PCDHGB2: variants seen among roughly 807,000 people sequenced by gnomAD.
PCDHGB2 encodes the protein protocadherin gamma subfamily B, 2.
A neutral mutation model predicts 59.3 loss-of-function variants in PCDHGB2; 55 were observed. The ratio of observed to expected loss-of-function variants is 0.93; its 90% CI spans 0.75 to 1.16. The LOEUF (loss-of-function observed/expected upper bound fraction) is 1.16, where lower values mean the gene tolerates loss of function less well. PCDHGB2 is among the 50% of genes most tolerant of loss of function. PCDHGB2 has a pLI of 0.00. For missense variants in PCDHGB2, 1,228 were observed against 1,198.5 expected (o/e 1.02, Z -0.36); for synonymous variants, 516 against 512.0 (o/e 1.01, Z -0.11).
intron 1 of PCDHGB2, chr5:141,365,786 C>G (rs1446985601): frequency 1.2e-6 from 2 of 1,613,932 alleles, no homozygotes; most frequent in East Asian, 2.2e-5. Flanking sequence ...CGACAACGCT[C>G]GAGTCACCTA....
intron 1 of PCDHGB2, chr5:141,404,152 T>C (rs769503668): frequency 1.9e-5 from 31 of 1,612,848 alleles, no homozygotes; most frequent in Non-Finnish European, 2.0e-5. Flanking sequence ...CAGAAGAAGA[T>C]TATTACAGAT....
rs760017836 is a variant in PCDHGB2, at chr5:141,432,060, C to G, written c.2422-62747C>G. 1.2e-6 allele frequency: 2 copies of G among 1,614,200 alleles called. No homozygotes were observed. The highest frequency in any genetic ancestry group is 1.7e-6 in the Non-Finnish European group (2 of 1,180,048). ...GACCGGGGAACCCCGCCCCTATCCACGGAAACTCATATCTCGCTGAACGTG... is the reference window on the plus strand; with the variant it reads ...GACCGGGGAACCCCGCCCCTATCCAGGGAAACTCATATCTCGCTGAACGTG... On this transcript the variant is annotated intron_variant, in intron 1 of 3. Coordinates refer to ENST00000522605, the MANE Select transcript of PCDHGB2 (RefSeq NM_018923.3). The surrounding 1 kb of genome is among the most constrained non-coding windows in gnomAD (Gnocchi z 6.0).
chr5:141,383,795 G>A (rs376874310), intron 1 of PCDHGB2: 12 of 1,613,822 alleles, frequency 7.4e-6, no homozygotes, highest in East Asian at 4.5e-5. Flanking sequence ...TCGCTTACAG[G>A]AGAAATATCA....
At chr5:141,503,598 CAAAAAAA>C (rs765754054) in intron 2 of PCDHGB2, among the ~76,000 whole-genome samples, 8 of 65,766 alleles carry the variant, frequency 1.2e-4, no homozygotes, top group South Asian at 1.1e-3. Context: ...GACTCCAGCT[CAAAAAAA>C]AAAAAAAAAG....
chr5:141,489,458 G>A lies in PCDHGB2; in HGVS notation c.2422-5349G>A, dbSNP rs143138320. 3.5e-5 allele frequency: 56 copies of A among 1,614,042 alleles called. No homozygotes were observed. The highest frequency in any genetic ancestry group is 8.0e-5 in the African/African-American group (6 of 75,052). ...CAATTGGGCTCTGAGGAGAATGGGC[G>A]CTATTTTTCCCTGAGCTTGATGAGT... is the stretch of plus-strand genomic sequence containing the variant. On this transcript the variant is annotated intron_variant, in intron 1 of 3. Transcript: ENST00000522605. This position sits in a 1 kb window ranked among gnomAD's most constrained non-coding sequence, Gnocchi z 4.5.
chr5:141,398,932 C>T (rs554339110), intron 1 of PCDHGB2: 1 of 1,613,900 alleles, frequency 6.2e-7, no homozygotes, highest in Non-Finnish European at 8.5e-7. Context: ...AGCCACTGAC[C>T]AAGACGAGGG....
At chr5:141,502,724 C>T (rs1288841230) in intron 2 of PCDHGB2, among the ~76,000 whole-genome samples, 2 of 152,134 alleles carry the variant, frequency 1.3e-5, no homozygotes, top group African/African-American at 4.8e-5. Context: ...GATTACAAAG[C>T]GGTGATGTTC....
intron 1 of PCDHGB2, chr5:141,375,227 G>C: frequency 6.2e-7 from 1 of 1,613,962 alleles, no homozygotes; most frequent in East Asian, 2.2e-5. Context: ...GAATGGCCTG[G>C]TAACCTGTTC....
rs142995927 is a variant in PCDHGB2, at chr5:141,489,933, C to T, written c.2422-4874C>T. 38 of 1,614,064 alleles carry T rather than the reference C, an allele frequency of 2.4e-5. No homozygotes were observed. The highest frequency in any genetic ancestry group is 1.8e-4 in the South Asian group (16 of 91,084). On this transcript the variant is annotated intron_variant, in intron 1 of 3. Transcript: ENST00000522605. This position sits in a 1 kb window ranked among gnomAD's most constrained non-coding sequence, Gnocchi z 4.5. ...CAGGGACCACCCTTATCTCTGTCAT[C>T]GTGCTGGACATCAATGATAATGCTC...
intron 1 of PCDHGB2, chr5:141,367,157 T>G (rs2149904329): frequency 6.2e-6 from 1 of 161,546 alleles, no homozygotes; most frequent in East Asian, 1.8e-4. Flanking sequence ...GGACTGATAT[T>G]TTAGTCTACC....
At chr5:141,438,741 A>T (rs1184994731) in intron 1 of PCDHGB2, among the ~76,000 whole-genome samples, 3 of 148,914 alleles carry the variant, frequency 2.0e-5, no homozygotes, top group South Asian at 2.1e-4. Context: ...AGCTCACTGC[A>T]ACCTCTGCCT....
chr5:141,404,525 T>G, intron 1 of PCDHGB2: 1 of 1,613,796 alleles, frequency 6.2e-7, no homozygotes, highest in South Asian at 1.1e-5. Flanking sequence ...CTATGAGCAG[T>G]TTAGAGATTT....
chr5:141,388,636 T>G, intron 1 of PCDHGB2: 1 of 1,613,918 alleles, frequency 6.2e-7, no homozygotes. Context: ...AGGGTGAGCC[T>G]TTCAGAAAAC....
Position 141,366,231 on chromosome 5 carries a change from A to G in PCDHGB2, c.2421+3675A>G, listed in dbSNP as rs1288043202. 3 of 1,613,786 alleles carry G rather than the reference A, an allele frequency of 1.9e-6. No homozygotes were observed. Among genetic ancestry groups the G allele is most frequent in the Non-Finnish European group, 2.5e-6 (3 of 1,180,026 alleles). On this transcript the variant is annotated intron_variant, in intron 1 of 3. Transcript: ENST00000522605. ...GTGCGCACAGCGCGAGCCCTGCTGG[A>G]CAGAGACGCGCTCAAGCAGAGCCTC...
rs768635851 is a variant in PCDHGB2 at position 141,489,334 on chromosome 5, C to G, written c.2422-5473C>G. 2 of 1,606,614 alleles carry G rather than the reference C, an allele frequency of 1.2e-6. No individual in the cohort carries two copies. Among genetic ancestry groups the G allele is most frequent in the Non-Finnish European group, 1.7e-6 (2 of 1,175,584 alleles). On this transcript the variant is annotated intron_variant, in intron 1 of 3. Coordinates refer to ENST00000522605, the MANE Select transcript of PCDHGB2 (RefSeq NM_018923.3). The surrounding 1 kb of genome is among the most constrained non-coding windows in gnomAD (Gnocchi z 4.5). Reference sequence around the variant, plus strand: ...CTGGGGCTGGGTGTCTGGGCAGCTTCGTTACTCAGTGGTGGAGGAGTCTGA... The same window carrying G: ...CTGGGGCTGGGTGTCTGGGCAGCTTGGTTACTCAGTGGTGGAGGAGTCTGA...
chr5:141,437,076 A>T (rs1018228245), intron 1 of PCDHGB2, among the ~76,000 whole-genome samples: 2 of 152,236 alleles, frequency 1.3e-5, no homozygotes, highest in African/African-American at 4.8e-5. Context: ...TTTGGGCCAT[A>T]TAAGAATTGA....
At position 141,365,522 on chromosome 5, in the gene PCDHGB2, G is replaced by C. The variant is rs771198048; in HGVS notation, c.2421+2966G>C. 5 of 1,613,888 alleles carry C rather than the reference G, an allele frequency of 3.1e-6. No homozygotes were observed. In the South Asian group the frequency reaches 5.5e-5, roughly 18 times the overall value. ...TTTGCCTTTTAAATTGGAGAAGTCAGTTGATAATTACTATCACCTATTAAC... is the reference window on the plus strand; with the variant it reads ...TTTGCCTTTTAAATTGGAGAAGTCACTTGATAATTACTATCACCTATTAAC... On this transcript the variant is annotated intron_variant, in intron 1 of 3. Transcript: ENST00000522605.
At chr5:141,448,602 A>G (rs1350132402) in intron 1 of PCDHGB2, among the ~76,000 whole-genome samples, 1 of 152,154 alleles carries the variant, frequency 6.6e-6, no homozygotes, top group Non-Finnish European at 1.5e-5. Flanking sequence ...AAAATACTAT[A>G]CACCACTTTA....
rs369406530 is a variant in PCDHGB2, at chr5:141,393,504, A to C, written c.2421+30948A>C. On this transcript the variant is annotated intron_variant, in intron 1 of 3. Transcript: ENST00000522605. ...CTCTAGCACAGTGCGCATCCACGTG[A>C]CAGTGTTGGATACAAATGACAATGC... 16 of 1,613,918 alleles carry C rather than the reference A, an allele frequency of 9.9e-6. No individual in the cohort carries two copies. In the African/African-American group the frequency reaches 2.0e-4, roughly 20 times the overall value.
Sources: gnomAD v4.1 joint callset for allele counts (sites outside exome capture counted in the v4.1 genomes callset) on GRCh38, gnomAD v4.1.1 for gene constraint, Gnocchi (gnomAD v3.1) non-coding constraint, MANE v1.5 for transcripts, NCBI Gene and HGNC (gene_info 2026-07-23, HGNC 2026-07-21) for gene names.